The following COLEC10 variants were observed in gnomAD, a reference collection of about 807,000 sequenced individuals.
The protein encoded by COLEC10 is collectin-10.
In COLEC10, 22 loss-of-function variants were observed where a neutral mutation model predicts 28.4. The observed-to-expected ratio is 0.78, with a 90% CI of 0.55 to 1.11. COLEC10 has a LOEUF of 1.11. Ranked by LOEUF, COLEC10 falls within the 50% of genes least tolerant of loss-of-function variation. COLEC10 has a pLI of 0.00. For missense variants in COLEC10, 361 were observed against 344.1 expected (o/e 1.05, Z -0.39); for synonymous variants, 125 against 116.1 (o/e 1.08, Z -0.49).
chr8:118,996,321 T>C (rs928709714), intron 1 of COLEC10, among the ~76,000 whole-genome samples: 1 of 152,198 alleles, frequency 6.6e-6, no homozygotes, highest in East Asian at 1.9e-4. Context: ...ACAATAAACA[T>C]GGGACGGCGC....
At chr8:119,102,482 A>C in intron 4 of COLEC10, 81 bp downstream of exon 4, 1 of 1,227,780 alleles carries the variant, frequency 8.1e-7, no homozygotes, top group Non-Finnish European at 1.2e-6. Flanking sequence ...ATTTCAAATG[A>C]AAAGCAAGAG....
intron 1 of COLEC10, among the ~76,000 whole-genome samples, chr8:119,080,496 C>G (rs1052664210): frequency 1.3e-5 from 2 of 151,936 alleles, no homozygotes; most frequent in Non-Finnish European, 2.9e-5. Flanking sequence ...AACAAGGAAC[C>G]AGATGGTGAA....
intron 2 of COLEC10, among the ~76,000 whole-genome samples, chr8:119,029,699 C>T (rs1342998421): frequency 7.1e-6 from 1 of 141,836 alleles, no homozygotes; most frequent in Non-Finnish European, 1.5e-5. Context: ...GACCTGTTCC[C>T]TAGTTTCAAG....
intron 1 of COLEC10, among the ~76,000 whole-genome samples, chr8:119,078,182 G>A (rs1252604759): frequency 6.6e-6 from 1 of 152,222 alleles, no homozygotes; most frequent in African/African-American, 2.4e-5. Flanking sequence ...GAGATTTGGA[G>A]AGGACACACA....
intron 2 of COLEC10, among the ~76,000 whole-genome samples, chr8:119,033,486 C>A (rs1763962920): frequency 6.6e-6 from 1 of 152,066 alleles, no homozygotes; most frequent in Non-Finnish European, 1.5e-5. Flanking sequence ...AAAAATTTTG[C>A]AATCTATCCA....
intron 5 of COLEC10, 35 bp from the exon 6 acceptor site, chr8:119,105,765 G>T (rs927420654): frequency 6.5e-7 from 1 of 1,544,264 alleles, no homozygotes; most frequent in Non-Finnish European, 8.8e-7. Flanking sequence ...ATCTTTTTGA[G>T]ATACGTAATG....
chr8:119,075,843 T>C (rs1182292488), intron 1 of COLEC10, among the ~76,000 whole-genome samples: 1 of 150,662 alleles, frequency 6.6e-6, no homozygotes, highest in African/African-American at 2.4e-5. Context: ...GAAACTGAGC[T>C]CTGTTAAATG....
intron 2 of COLEC10, among the ~76,000 whole-genome samples, chr8:119,030,739 A>T (rs1409787178): frequency 6.6e-6 from 1 of 152,212 alleles, no homozygotes; most frequent in Non-Finnish European, 1.5e-5. Flanking sequence ...AATTTTTAAG[A>T]AAATGTGGTT....
At chr8:118,994,747 A>G (rs922657463), upstream of COLEC10, among the ~76,000 whole-genome samples, 2 of 152,198 alleles carry the variant, frequency 1.3e-5, no homozygotes, top group African/African-American at 2.4e-5. Context: ...AGCTGAACTC[A>G]CTCAAATTTC....
intron 2 of COLEC10, among the ~76,000 whole-genome samples, chr8:119,090,110 T>A (rs2130279149): frequency 6.6e-6 from 1 of 152,216 alleles, no homozygotes; most frequent in East Asian, 1.9e-4. Flanking sequence ...TAAGCTGGCA[T>A]AGAGCTTAAG....
the COLEC10 span, among the ~76,000 whole-genome samples, chr8:118,958,365 G>A: frequency 1.3e-5 from 2 of 152,212 alleles, no homozygotes; most frequent in Non-Finnish European, 2.9e-5. Flanking sequence ...AAGACACACT[G>A]CTTCTGCTGG....
chr8:119,049,480 T>C (rs1221255325), intron 2 of COLEC10, among the ~76,000 whole-genome samples: 1 of 134,068 alleles, frequency 7.5e-6, no homozygotes, highest in Non-Finnish European at 1.6e-5. Context: ...CGTGGCGCAA[T>C]CTGGGCTCAC....
chr8:118,971,689 TG>T, the COLEC10 span, among the ~76,000 whole-genome samples: 21 of 152,126 alleles, frequency 1.4e-4, no homozygotes, highest in Admixed American at 4.6e-4. Context: ...TAAAAAATGT[TG>T]AAGTCTGGTT....
intron 1 of COLEC10, among the ~76,000 whole-genome samples, chr8:119,069,806 G>A (rs751918430): frequency 4.0e-5 from 6 of 151,136 alleles, no homozygotes; most frequent in Non-Finnish European, 7.4e-5. Context: ...AAAGGTCTGC[G>A]TTATTACTGT....
chr8:119,093,738 C>A (rs1339479183), intron 3 of COLEC10, among the ~76,000 whole-genome samples: 1 of 152,096 alleles, frequency 6.6e-6, no homozygotes, highest in Non-Finnish European at 1.5e-5. Context: ...TTTTTAATAC[C>A]ACCCATGGAT....
intron 2 of COLEC10, among the ~76,000 whole-genome samples, chr8:119,029,473 T>A (rs1176719543): frequency 3.9e-5 from 6 of 152,100 alleles, no homozygotes; most frequent in Admixed American, 6.6e-5. Flanking sequence ...GGTATTATGA[T>A]AATAAGGACT....
At chr8:119,091,598 A>AG (rs1491261531) in intron 3 of COLEC10, among the ~76,000 whole-genome samples, 89 of 99,950 alleles carry the variant, frequency 8.9e-4, no homozygotes, top group African/African-American at 4.9e-3. Flanking sequence ...AGAGAGAGAG[A>AG]AAGAAAGAAA....
At position 119,059,430 on chromosome 8, in the gene COLEC10, C is replaced by T. The variant is rs533397100; in HGVS notation, n.236-30250C>T. 4.6e-4 allele frequency among the ~76,000 whole-genome samples: 70 copies of T among 151,820 alleles called. No homozygotes were observed. The South Asian group carries it at 0.011, about 24-fold the overall frequency. On this transcript the variant is annotated intron_variant and non_coding_transcript_variant, in intron 2 of 6. Transcript: ENST00000521788. Reference sequence around the variant, plus strand: ...TCATTTCTTTGCATGTTGTAGCTACCTAATTTTTCCAGCATCATTTGTTGA... The same window carrying T: ...TCATTTCTTTGCATGTTGTAGCTACTTAATTTTTCCAGCATCATTTGTTGA...
intron 2 of COLEC10, among the ~76,000 whole-genome samples, chr8:119,027,548 G>A (rs538807500): frequency 6.6e-6 from 1 of 152,166 alleles, no homozygotes; most frequent in Non-Finnish European, 1.5e-5. Context: ...ATAAGACAAA[G>A]TACACATTTG....
Sources: gnomAD v4.1 joint callset for allele counts (sites outside exome capture counted in the v4.1 genomes callset) on GRCh38, gnomAD v4.1.1 for gene constraint, MANE v1.5 for transcripts, NCBI Gene and HGNC (gene_info 2026-07-23, HGNC 2026-07-21) for gene names.